Variants in PCDHGB5 observed in about 807,000 individuals in gnomAD.
PCDHGB5 encodes protocadherin gamma-B5.
In PCDHGB5, 48 loss-of-function variants were observed where a neutral mutation model predicts 62.9. The ratio of observed to expected loss-of-function variants is 0.76; its 90% confidence interval spans 0.61 to 0.97. The LOEUF (loss-of-function observed/expected upper bound fraction) is 0.97. PCDHGB5 is among the 50% of genes least tolerant of loss of function. PCDHGB5 has a pLI of 0.00. For missense variants in PCDHGB5, 1,118 were observed against 1,198.6 expected (o/e 0.93, Z 0.99); for synonymous variants, 474 against 511.2 (o/e 0.93, Z 0.98).
At chr5:141,497,077 G>A (rs191605427) in intron 2 of PCDHGB5, among the ~76,000 whole-genome samples, 4 of 151,990 alleles carry the variant, frequency 2.6e-5, no homozygotes, top group East Asian at 3.9e-4. Flanking sequence ...TAATCCCAGC[G>A]ACTTAGGAGG....
chr5:141,404,759 T>C, intron 1 of PCDHGB5: 2 of 1,613,632 alleles, frequency 1.2e-6, no homozygotes, highest in Non-Finnish European at 1.7e-6. Flanking sequence ...CCAGAATGCT[T>C]GGCTCTCCTA....
At position 141,454,796 on chromosome 5, in the gene PCDHGB5, A is replaced by ATT. The variant is rs61612330; in HGVS notation, c.2398-39983_2398-39982dup. On this transcript the variant is annotated intron_variant, in intron 1 of 3. Coordinates refer to ENST00000617380, the MANE Select transcript of PCDHGB5 (RefSeq NM_018925.3). Reference sequence around the variant, plus strand: ...AAGGAAATAATCCTCCATGGTTCTAATTTTTTTTTTTTTTTTTTTTTTTTT... The same window carrying ATT: ...AAGGAAATAATCCTCCATGGTTCTAATTTTTTTTTTTTTTTTTTTTTTTTTTT... 6.7e-3 allele frequency among the ~76,000 whole-genome samples: 521 copies of ATT among 77,456 alleles called. 71 individuals are homozygous for ATT. The highest frequency in any genetic ancestry group is 0.017 in the Middle Eastern group (2 of 120). The allele number at this position is 77,456 out of a possible 152,430, so 50.8% of individuals were successfully genotyped here.
intron 1 of PCDHGB5, among the ~76,000 whole-genome samples, chr5:141,460,093 A>T (rs2098981983): frequency 6.6e-6 from 1 of 151,964 alleles, no homozygotes. Flanking sequence ...TAATAATTAT[A>T]CATGTAATTA....
rs751805838 is a variant in PCDHGB5, at chr5:141,409,319, G to T, written c.2397+8795G>T. 3 of 1,613,988 alleles carry T rather than the reference G, an allele frequency of 1.9e-6. No homozygotes were observed. The Admixed American group carries it at 5.0e-5, about 27-fold the overall frequency. ...GGTTGTTGCCCTCTTCAAAACACGG[G>T]ATCTGGATTTCGGAGGAAATGGAGA... is the stretch of plus-strand genomic sequence containing the variant. On this transcript the variant is annotated intron_variant, in intron 1 of 3. Coordinates refer to ENST00000617380, the MANE Select transcript of PCDHGB5 (RefSeq NM_018925.3).
chr5:141,412,918 G>A (rs893690519), intron 1 of PCDHGB5: 17 of 414,102 alleles, frequency 4.1e-5, no homozygotes, highest in Non-Finnish European at 5.5e-5. Context: ...TATCACTTGG[G>A]TGCAGTAACT....
chr5:141,415,506 C>G, intron 1 of PCDHGB5: 1 of 1,614,148 alleles, frequency 6.2e-7, no homozygotes, highest in Non-Finnish European at 8.5e-7. Flanking sequence ...TCCCCCAGCC[C>G]AATTATGCGG....
At position 141,486,464 on chromosome 5, in the gene PCDHGB5, G is replaced by A; in HGVS notation, c.2398-8343G>A. The A allele has an allele frequency of 1.2e-6, 2 of 1,614,034 alleles. No homozygotes were observed. Among genetic ancestry groups the A allele is most frequent in the Non-Finnish European group, 1.7e-6 (2 of 1,179,946 alleles). On this transcript the variant is annotated intron_variant, in intron 1 of 3. Transcript: ENST00000617380. This position sits in a 1 kb window ranked among gnomAD's most constrained non-coding sequence, Gnocchi z 5.0. ...CATCATGGTCACTGCTTCTGATGCTGGGAACCCTCCTCTCAGTACCCACAG... is the reference window on the plus strand; with the variant it reads ...CATCATGGTCACTGCTTCTGATGCTAGGAACCCTCCTCTCAGTACCCACAG...
chr5:141,423,011 T>C, intron 1 of PCDHGB5: 4 of 1,614,186 alleles, frequency 2.5e-6, no homozygotes, highest in Non-Finnish European at 3.4e-6. Flanking sequence ...GTGGTTGCGG[T>C]GGACAAAGAT....
intron 1 of PCDHGB5, among the ~76,000 whole-genome samples, chr5:141,401,348 A>G (rs1312849099): frequency 2.0e-5 from 3 of 152,220 alleles, no homozygotes; most frequent in African/African-American, 4.8e-5. Flanking sequence ...ATCTCAAAAA[A>G]AAGGAAGGAG....
intron 1 of PCDHGB5, among the ~76,000 whole-genome samples, chr5:141,481,031 C>G (rs926205148): frequency 1.3e-5 from 2 of 152,108 alleles, no homozygotes; most frequent in Non-Finnish European, 2.9e-5. Flanking sequence ...GCACTCCAGC[C>G]TGGGCGACAG....
chr5:141,420,910 G>T, intron 1 of PCDHGB5: 1 of 311,900 alleles, frequency 3.2e-6, no homozygotes, highest in South Asian at 7.0e-5. Context: ...ACAAATACGT[G>T]TGATTCACAA....
intron 1 of PCDHGB5, chr5:141,419,557 G>T: frequency 2.5e-6 from 4 of 1,611,872 alleles, no homozygotes; most frequent in Middle Eastern, 1.7e-4. Context: ...TGTACCCTGC[G>T]CTGGGTCCCG....
intron 1 of PCDHGB5, chr5:141,414,115 G>A: frequency 6.3e-7 from 1 of 1,591,952 alleles, no homozygotes; most frequent in Middle Eastern, 1.7e-4. Flanking sequence ...TCTAGATTAT[G>A]AAGAAACCGG....
At chr5:141,404,484 C>G in intron 1 of PCDHGB5, 1 of 1,613,504 alleles carries the variant, frequency 6.2e-7, no homozygotes, top group East Asian at 2.2e-5. Context: ...AACTCAGACA[C>G]TGGTGTGCTG....
At chr5:141,415,739 G>GTT (rs1561759437) in intron 1 of PCDHGB5, 11 of 435,132 alleles carry the variant, frequency 2.5e-5, no homozygotes, top group African/African-American at 1.6e-4. Flanking sequence ...TGTTTATTAA[G>GTT]GTTTTTTTTT....
chr5:141,487,475 C>A lies in PCDHGB5; in HGVS notation c.2398-7332C>A. 6.2e-7 allele frequency: 1 copy of A among 1,614,156 alleles called. No individual in the cohort carries two copies. The highest frequency in any genetic ancestry group is 8.5e-7 in the Non-Finnish European group (1 of 1,180,032). On this transcript the variant is annotated intron_variant, in intron 1 of 3. Transcript: ENST00000617380. This position sits in a 1 kb window ranked among gnomAD's most constrained non-coding sequence, Gnocchi z 5.0. ...TATCAAGTTTGTTGATGTGGGAGGC[C>A]ACTCTCATGGCTGTACACCCTTGGC...
chr5:141,423,574 C>T (rs953989787), intron 1 of PCDHGB5: 2 of 1,613,328 alleles, frequency 1.2e-6, no homozygotes, highest in Non-Finnish European at 1.7e-6. Flanking sequence ...GCTCATCAGC[C>T]AGGAGAGCTG....
rs147506725 is a variant in PCDHGB5, at chr5:141,442,240, G to A, written c.2397+41716G>A. Reference sequence around the variant, plus strand: ...CTTTAATTTCCTTTTTATTCTTCCTGATTGCATTGTTTGTGCTGGTTTTAA... The same window carrying A: ...CTTTAATTTCCTTTTTATTCTTCCTAATTGCATTGTTTGTGCTGGTTTTAA... On this transcript the variant is annotated intron_variant, in intron 1 of 3. Transcript: ENST00000617380. 1,291 of 153,334 alleles carry A rather than the reference G, an allele frequency of 8.4e-3. 26 individuals carry two copies. The highest frequency in any genetic ancestry group is 0.029 in the African/African-American group (1,208 of 41,552). 9.5% of individuals were successfully genotyped at this position (153,334 alleles called of 1,614,324 possible).
At chr5:141,483,179 G>C (rs2099577971) in intron 1 of PCDHGB5, among the ~76,000 whole-genome samples, 2 of 152,294 alleles carry the variant, frequency 1.3e-5, no homozygotes, top group African/African-American at 4.8e-5. Flanking sequence ...TTTGGGCCAA[G>C]CCAAGGAGTT....
Sources: gnomAD v4.1 joint callset for allele counts (sites outside exome capture counted in the v4.1 genomes callset) on GRCh38, gnomAD v4.1.1 for gene constraint, Gnocchi (gnomAD v3.1) non-coding constraint, MANE v1.5 for transcripts, NCBI Gene and HGNC (gene_info 2026-07-23, HGNC 2026-07-21) for gene names.